Variants in ABTB2 observed in about 807,000 individuals in gnomAD.
The protein encoded by ABTB2 is ankyrin repeat and BTB domain containing 2, also known as ankyrin repeat and BTB/POZ domain-containing protein 2.
In ABTB2, 56 loss-of-function variants were observed where a neutral mutation model predicts 104.1. The ratio of observed to expected loss-of-function variants is 0.54; its 90% confidence interval spans 0.43 to 0.67. The LOEUF (loss-of-function observed/expected upper bound fraction) is 0.67, where lower values mean the gene tolerates loss of function less well. Ranked by LOEUF, ABTB2 falls within the 30% of genes least tolerant of loss-of-function variation. The probability of loss-of-function intolerance (pLI) is 0.00; values close to 1 mark genes in which losing one functional copy is unlikely to be tolerated. For synonymous variants in ABTB2, 606 were observed against 608.2 expected (o/e 1.00, Z 0.05); for missense variants, 1,279 against 1,407.7 (o/e 0.91, Z 1.46).
chr11:34,224,022 A>AT (rs1285650733), intron 1 of ABTB2, among the ~76,000 whole-genome samples: 1 of 152,104 alleles, frequency 6.6e-6, no homozygotes, highest in East Asian at 1.9e-4. Context: ...TAAGAGGATC[A>AT]TGCCCCTCTT....
intron 1 of ABTB2, among the ~76,000 whole-genome samples, chr11:34,269,853 A>G (rs1269244594): frequency 6.6e-6 from 1 of 152,186 alleles, no homozygotes; most frequent in African/African-American, 2.4e-5. Flanking sequence ...TAATTTTTCA[A>G]TACAACTCCA....
At chr11:34,246,900 T>C (rs1203555885) in intron 1 of ABTB2, among the ~76,000 whole-genome samples, 1 of 146,160 alleles carries the variant, frequency 6.8e-6, no homozygotes, top group Admixed American at 7.1e-5. Context: ...CAGGCTGGAG[T>C]ACAATGGCAT....
At chr11:34,299,988 G>C (rs529023532) in intron 1 of ABTB2, among the ~76,000 whole-genome samples, 15 of 152,312 alleles carry the variant, frequency 9.8e-5, no homozygotes, top group Admixed American at 6.5e-4. Flanking sequence ...CAAGAATAAA[G>C]TAGTTAGCAC....
chr11:34,168,656 GGAAC>G (rs1266103159), intron 5 of ABTB2, among the ~76,000 whole-genome samples: 1 of 152,252 alleles, frequency 6.6e-6, no homozygotes, highest in Non-Finnish European at 1.5e-5. Context: ...ACTCGGGGCA[GGAAC>G]CAGGCCTCCA....
intron 1 of ABTB2, among the ~76,000 whole-genome samples, chr11:34,242,036 C>T (rs552880972): frequency 2.0e-5 from 3 of 152,328 alleles, no homozygotes; most frequent in East Asian, 1.9e-4. Flanking sequence ...GGAGATGGCT[C>T]GGGCCCTGCG....
chr11:34,184,091 T>C (rs1590210163), intron 3 of ABTB2, among the ~76,000 whole-genome samples: 1 of 142,950 alleles, frequency 7.0e-6, no homozygotes, highest in Non-Finnish European at 1.5e-5. Flanking sequence ...TAGAGACAGG[T>C]CTATGTTGCG....
Position 34,342,920 on chromosome 11 carries a change from C to CATTTATTT in ABTB2, c.883+13773_883+13780dup, listed in dbSNP as rs3035434. Among the ~76,000 whole-genome samples the CATTTATTT allele has an allele frequency of 4.0e-3, 602 of 148,802 alleles. 1 individual carries two copies. The highest frequency in any genetic ancestry group is 6.6e-3 in the Non-Finnish European group (446 of 67,240). ...ACATCTTATGGTGTCACTCCCATTT[C>CATTTATTT]ATTTATTTATTTATTTATTTATTTA... On this transcript the variant is annotated intron_variant, in intron 1 of 16. Coordinates refer to ENST00000435224, the MANE Select transcript of ABTB2 (RefSeq NM_145804.3).
intron 2 of ABTB2, among the ~76,000 whole-genome samples, chr11:34,198,923 T>G (rs1008454463): frequency 2.6e-5 from 4 of 152,132 alleles, no homozygotes; most frequent in Non-Finnish European, 4.4e-5. Flanking sequence ...CGGCTAACCT[T>G]AAGGTGGAAG....
At chr11:34,164,987 A>G (rs1389776220) in intron 8 of ABTB2, among the ~76,000 whole-genome samples, 166 bp from the exon 9 acceptor site, 1 of 152,156 alleles carries the variant, frequency 6.6e-6, no homozygotes, top group East Asian at 1.9e-4. Flanking sequence ...GGAGAGGAAG[A>G]AGGCTGGCCG....
chr11:34,255,969 C>T (rs117547334), intron 1 of ABTB2, among the ~76,000 whole-genome samples: 1,893 of 152,312 alleles, frequency 0.012, 20 homozygotes, highest in Non-Finnish European at 0.021. Context: ...TCCTTTCGGG[C>T]ATCACTACCC....
chr11:34,185,367 G>A (rs993480839), intron 3 of ABTB2, among the ~76,000 whole-genome samples: 2 of 152,310 alleles, frequency 1.3e-5, no homozygotes, highest in Admixed American at 6.5e-5. Context: ...CAGAGGACAG[G>A]GCCTGACCCT....
chr11:34,305,406 T>C (rs557911434), intron 1 of ABTB2, among the ~76,000 whole-genome samples: 3 of 152,334 alleles, frequency 2.0e-5, no homozygotes, highest in Admixed American at 6.5e-5. Flanking sequence ...AAACATTCAC[T>C]ATGCATGAAG....
chr11:34,237,016 G>A (rs1369815781), intron 1 of ABTB2, among the ~76,000 whole-genome samples: 1 of 152,194 alleles, frequency 6.6e-6, no homozygotes, highest in Admixed American at 6.5e-5. Flanking sequence ...CTGTTTAGAA[G>A]TATTTTATGG....
chr11:34,189,169 C>A (rs964998183), intron 3 of ABTB2: 3 of 152,266 alleles, frequency 2.0e-5, no homozygotes, highest in Admixed American at 2.0e-4. Context: ...ACTTAAAAAA[C>A]CAACTGCTGG....
intron 1 of ABTB2, among the ~76,000 whole-genome samples, chr11:34,244,545 A>C (rs1853961102): frequency 6.6e-6 from 1 of 152,206 alleles, no homozygotes; most frequent in Admixed American, 6.5e-5. Flanking sequence ...GCCTTTTATG[A>C]AGATCATTTC....
intron 3 of ABTB2, among the ~76,000 whole-genome samples, chr11:34,191,405 C>T (rs10836159): frequency 0.25 from 38,446 of 152,162 alleles, 5,793 homozygotes; most frequent in East Asian, 0.47. Flanking sequence ...CTGGGCCAGA[C>T]ACACATTTAT....
intron 1 of ABTB2, among the ~76,000 whole-genome samples, chr11:34,207,313 A>G (rs952983117): frequency 6.6e-6 from 1 of 152,228 alleles, no homozygotes; most frequent in Non-Finnish European, 1.5e-5. Context: ...ATTCCCAGAG[A>G]GAAATATTAT....
At position 34,167,374 on chromosome 11, in the gene ABTB2, C is replaced by T. The variant is rs1352315594; in HGVS notation, c.1654-14G>A. On this transcript the variant is annotated splice_polypyrimidine_tract_variant and intron_variant, in intron 6 of 16. Coordinates refer to ENST00000435224, the MANE Select transcript of ABTB2 (RefSeq NM_145804.3). ...GTTGCTTGGAACCTGGAAAATACCA[C>T]AAATCATCTGTGTTTTCTGGGCACC... 1 of 1,608,504 alleles carries T rather than the reference C, an allele frequency of 6.2e-7. No homozygotes were observed.
chr11:34,299,503 T>C (rs577936598), intron 1 of ABTB2, among the ~76,000 whole-genome samples: 1 of 152,352 alleles, frequency 6.6e-6, no homozygotes, highest in South Asian at 2.1e-4. Flanking sequence ...AGGCAGTTGT[T>C]TGCAAAGCCC....
Sources: allele counts gnomAD v4.1 joint callset (sites outside exome capture counted in the v4.1 genomes callset), GRCh38; gene constraint gnomAD v4.1.1; transcripts MANE v1.5; gene names NCBI Gene and HGNC (gene_info 2026-07-23, HGNC 2026-07-21).